The following MKX variants were observed in gnomAD, a reference collection of about 807,000 sequenced individuals.
MKX encodes mohawk homeobox, also known as homeobox protein Mohawk.
A neutral mutation model predicts 36.0 loss-of-function variants in MKX; 13 were observed. That is an observed-to-expected ratio of 0.36 (90% CI 0.24 to 0.57). MKX has a LOEUF of 0.57. Among genes scored for constraint, MKX ranks in the 20% least tolerant of loss-of-function variants. MKX has a pLI of 0.79. For missense variants in MKX, 458 were observed against 456.4 expected, an observed-to-expected ratio of 1.00 and a Z score of -0.03; for synonymous variants, 176 against 178.3, an observed-to-expected ratio of 0.99 and a Z score of 0.10.
chr10:27,675,426 G>A lies in MKX; in HGVS notation c.873-11C>T. ...TTTCTGTTAGCTGCGCTGGAGTTAA[G>A]CAAAACAGAAAGTAAACGATCAAAC... is the stretch of plus-strand genomic sequence containing the variant. On this transcript the variant is annotated splice_polypyrimidine_tract_variant and intron_variant, in intron 6 of 6. Coordinates refer to ENST00000419761, the MANE Select transcript of MKX (RefSeq NM_173576.3). 1.9e-6 allele frequency: 3 copies of A among 1,614,086 alleles called. No individual in the cohort carries two copies. Among genetic ancestry groups the A allele is most frequent in the Non-Finnish European group, 2.5e-6 (3 of 1,180,006 alleles).
chr10:27,703,167 A>G (rs969832147), intron 5 of MKX, among the ~76,000 whole-genome samples: 1 of 152,216 alleles, frequency 6.6e-6, no homozygotes, highest in East Asian at 1.9e-4. Flanking sequence ...AGAGTGCCAT[A>G]GAAGAGCATT....
At chr10:27,691,114 T>G (rs1224786505) in intron 5 of MKX, among the ~76,000 whole-genome samples, 1 of 152,214 alleles carries the variant, frequency 6.6e-6, no homozygotes, top group Non-Finnish European at 1.5e-5. Flanking sequence ...TGTTTATAAA[T>G]GACCCAGTCT....
chr10:27,714,490 G>A (rs948704816), intron 5 of MKX, among the ~76,000 whole-genome samples: 4 of 152,172 alleles, frequency 2.6e-5, no homozygotes, highest in Admixed American at 6.5e-5. Flanking sequence ...CAAAAACAGA[G>A]TATGTACTCC....
At chr10:27,711,702 T>G (rs553536788) in intron 5 of MKX, among the ~76,000 whole-genome samples, 3,645 of 150,742 alleles carry the variant, frequency 0.024, 158 homozygotes, top group African/African-American at 0.084. Context: ...CCCTCCCCAG[T>G]AGCCGAAACT....
intron 5 of MKX, among the ~76,000 whole-genome samples, chr10:27,679,130 G>A (rs1836207263): frequency 6.6e-6 from 1 of 152,110 alleles, no homozygotes; most frequent in Non-Finnish European, 1.5e-5. Flanking sequence ...GGGAGGTGGG[G>A]GGCTGGGGGA....
chr10:27,703,745 C>T (rs1836703315), intron 5 of MKX, among the ~76,000 whole-genome samples: 1 of 151,874 alleles, frequency 6.6e-6, no homozygotes, highest in African/African-American at 2.4e-5. Flanking sequence ...CTAAAAAATA[C>T]AAAAATTATC....
chr10:27,737,098 C>A lies in MKX; in HGVS notation c.349-1724G>T, dbSNP rs555350307. Among the ~76,000 whole-genome samples, 4 of 152,242 alleles carry A rather than the reference C, an allele frequency of 2.6e-5. No individual in the cohort carries two copies. In the East Asian group the frequency reaches 7.7e-4, roughly 29 times the overall value. ...CAGAAGGACTAGCGGAAAAGAACTA[C>A]ACATAATTAACTGGGATACACTGGT... On this transcript the variant is annotated intron_variant, in intron 3 of 6. Transcript: ENST00000419761.
intron 5 of MKX, among the ~76,000 whole-genome samples, chr10:27,720,567 G>A (rs1031133913): frequency 6.6e-6 from 1 of 152,124 alleles, no homozygotes; most frequent in African/African-American, 2.4e-5. Flanking sequence ...GCAGTTTGTT[G>A]TAAATGCAAT....
At chr10:27,706,350 C>CA (rs1411330336) in intron 5 of MKX, among the ~76,000 whole-genome samples, 1 of 152,104 alleles carries the variant, frequency 6.6e-6, no homozygotes, top group African/African-American at 2.4e-5. Context: ...CATGGGTATA[C>CA]AAATATTTGT....
At chr10:27,677,974 A>G (rs1023347164) in intron 5 of MKX, among the ~76,000 whole-genome samples, 2 of 152,352 alleles carry the variant, frequency 1.3e-5, no homozygotes, top group South Asian at 4.1e-4. Flanking sequence ...ATTTTGCAAT[A>G]TAAAGTAACT....
At chr10:27,677,881 T>C (rs915374263) in intron 5 of MKX, among the ~76,000 whole-genome samples, 1 of 152,224 alleles carries the variant, frequency 6.6e-6, no homozygotes, top group Non-Finnish European at 1.5e-5. Flanking sequence ...AACAGTTAGA[T>C]CGTTACCTTC....
intron 5 of MKX, among the ~76,000 whole-genome samples, chr10:27,707,036 C>CTT (rs1260623414): frequency 2.0e-5 from 3 of 152,190 alleles, no homozygotes; most frequent in African/African-American, 7.2e-5. Flanking sequence ...AGAAAGGATT[C>CTT]TCAATGATTA....
intron 1 of MKX, among the ~76,000 whole-genome samples, chr10:27,743,826 C>T (rs1468340525): frequency 6.6e-6 from 1 of 152,134 alleles, no homozygotes; most frequent in African/African-American, 2.4e-5. Context: ...CAGTTTGAAT[C>T]TGGGAGAGGC....
At chr10:27,712,014 C>G (rs1453600034) in intron 5 of MKX, among the ~76,000 whole-genome samples, 1 of 152,102 alleles carries the variant, frequency 6.6e-6, no homozygotes, top group African/African-American at 2.4e-5. Context: ...CCATACCAAC[C>G]TCTGCTTCTA....
intron 5 of MKX, among the ~76,000 whole-genome samples, chr10:27,728,272 G>A (rs1045170598): frequency 2.6e-5 from 4 of 152,220 alleles, no homozygotes; most frequent in East Asian, 1.9e-4. Flanking sequence ...GAAACCGTGC[G>A]TGTGCACCGA....
At chr10:27,676,068 G>A (rs950875442) in intron 5 of MKX, among the ~76,000 whole-genome samples, 4 of 152,106 alleles carry the variant, frequency 2.6e-5, no homozygotes, top group African/African-American at 7.2e-5. Context: ...CTAGGAATTC[G>A]AGACCAGCCT....
intron 5 of MKX, among the ~76,000 whole-genome samples, chr10:27,706,102 G>C (rs982864517): frequency 3.3e-5 from 5 of 151,800 alleles, no homozygotes; most frequent in African/African-American, 1.2e-4. Flanking sequence ...ACTATTCTAG[G>C]TACCTCATAC....
chr10:27,675,819 T>C (rs1836136953), intron 5 of MKX, among the ~76,000 whole-genome samples: 2 of 152,202 alleles, frequency 1.3e-5, no homozygotes, highest in South Asian at 4.1e-4. Context: ...TCTGAGAAAT[T>C]GGGCCTTTTG....
intron 5 of MKX, among the ~76,000 whole-genome samples, chr10:27,694,527 A>AAAAAAATATATAT (rs547670335): frequency 9.6e-5 from 11 of 114,334 alleles, no homozygotes; most frequent in African/African-American, 3.3e-4. Context: ...AAAAAAAAAA[A>AAAAAAATATATAT]ATATATATAT....
Sources: gnomAD v4.1 joint callset for allele counts (sites outside exome capture counted in the v4.1 genomes callset) on GRCh38, gnomAD v4.1.1 for gene constraint, MANE v1.5 for transcripts, NCBI Gene and HGNC (gene_info 2026-07-23, HGNC 2026-07-21) for gene names.